Variants in PGAM5 observed in about 807,000 individuals in gnomAD.
PGAM5 encodes the protein serine/threonine-protein phosphatase PGAM5, mitochondrial.
In PGAM5, 25 loss-of-function variants were observed where a neutral mutation model predicts 30.6. The ratio of observed to expected loss-of-function variants is 0.82; its 90% CI spans 0.60 to 1.14. The LOEUF is 1.14. Among genes scored for constraint, PGAM5 ranks in the 50% most tolerant of loss-of-function variants. The pLI is 0.00. For missense variants in PGAM5, 384 were observed against 408.5 expected, an observed-to-expected ratio of 0.94 and a Z score of 0.52; for synonymous variants, 201 against 179.1, an observed-to-expected ratio of 1.12 and a Z score of -0.98.
At chr12:132,715,095 C>CCTT in intron 2 of PGAM5, 59 bp downstream of exon 2, 1 of 1,489,098 alleles carries the variant, frequency 6.7e-7, no homozygotes, top group South Asian at 1.3e-5. Context: ...AGGTGCATAT[C>CCTT]TGCTGGCGCC....
chr12:132,716,443 C>A lies in PGAM5; in HGVS notation c.371-996C>A, dbSNP rs567808547. The stretch of plus-strand genomic sequence containing the variant: ...ATGGGGTTTCACCATATTGGCCAGG[C>A]TGGTCTCAAACTCCTGACCTCGTAA... On this transcript the variant is annotated intron_variant, in intron 2 of 5. Coordinates refer to ENST00000498926, the MANE Select transcript of PGAM5 (RefSeq NM_001170543.2). Among the ~76,000 whole-genome samples, 11 of 151,180 alleles carry A rather than the reference C, an allele frequency of 7.3e-5. No individual in the cohort carries two copies. In the East Asian group the frequency reaches 7.8e-4, roughly 11 times the overall value.
At chr12:132,716,419 T>C (rs2043578762) in intron 2 of PGAM5, among the ~76,000 whole-genome samples, 2 of 150,434 alleles carry the variant, frequency 1.3e-5, no homozygotes, top group Admixed American at 6.7e-5. Flanking sequence ...TTAGTAGAGA[T>C]GGGGTTTCAC....
rs1357547655 is a variant in PGAM5, at chr12:132,721,843, T to G, written c.*1015T>G. 5 of 152,192 alleles carry G rather than the reference T, an allele frequency of 3.3e-5. No homozygotes were observed. Among genetic ancestry groups the G allele is most frequent in the African/African-American group, 9.7e-5 (4 of 41,438 alleles). The allele number at this position is 152,192 out of a possible 1,614,324, so 9.4% of individuals were successfully genotyped here. A position where few individuals can be genotyped will look rare whatever the true frequency, so the allele number is the denominator to read the frequency against. On this transcript the variant is annotated 3_prime_UTR_variant, in exon 6 of 6. Coordinates refer to ENST00000498926, the MANE Select transcript of PGAM5 (RefSeq NM_001170543.2). ...GTCTCGAACTCCCAACCTCAGGTGA[T>G]TCACCCACCTTGGCCTCCCAAAGTG...
intron 2 of PGAM5, among the ~76,000 whole-genome samples, chr12:132,716,838 G>A (rs1200277014): frequency 1.3e-5 from 2 of 152,242 alleles, no homozygotes; most frequent in African/African-American, 2.4e-5. Flanking sequence ...AGTCCCCAGA[G>A]CTGTCCTGGC....
chr12:132,717,291 C>CGTGTTTGCGGGCGGAGGAGGGG lies in PGAM5; in HGVS notation c.371-118_371-97dup, dbSNP rs1337108403. 1.0e-3 allele frequency: 864 copies of CGTGTTTGCGGGCGGAGGAGGGG among 830,084 alleles called. 4 individuals carry two copies. Among genetic ancestry groups the CGTGTTTGCGGGCGGAGGAGGGG allele is most frequent in the African/African-American group, 4.5e-3 (167 of 37,396 alleles). 51.4% of individuals were successfully genotyped at this position (830,084 alleles called of 1,614,324 possible). A position where few individuals can be genotyped will look rare whatever the true frequency, so the allele number is the denominator to read the frequency against. On this transcript the variant is annotated intron_variant, in intron 2 of 5. Coordinates refer to ENST00000498926, the MANE Select transcript of PGAM5 (RefSeq NM_001170543.2). The stretch of plus-strand genomic sequence containing the variant: ...CTGAGCTTGCTGCCTGATCAGGGGT[C>CGTGTTTGCGGGCGGAGGAGGGG]GTGTTTGCGGGCGGAGGAGGGGGTG...
intron 5 of PGAM5, chr12:132,719,222 G>A (rs1245678125): frequency 1.7e-6 from 2 of 1,145,368 alleles, no homozygotes; most frequent in Admixed American, 9.3e-5. Context: ...CGCAGCTGAG[G>A]GGGCCCTCTT....
At chr12:132,714,646 C>G (rs2043554241) in intron 1 of PGAM5, 1 of 556,440 alleles carries the variant, frequency 1.8e-6, no homozygotes, top group South Asian at 2.2e-5. Context: ...GTTTTGCTCT[C>G]CAGCGCATCA....
intron 5 of PGAM5, chr12:132,719,167 A>G (rs2043618839): frequency 8.1e-7 from 1 of 1,229,784 alleles, no homozygotes; most frequent in Non-Finnish European, 1.0e-6. Context: ...TTTGAAACAA[A>G]TTTGCCTCTT....
intron 2 of PGAM5, 33 bp from the exon 3 acceptor site, chr12:132,717,406 A>AGGAGGG (rs2043591034): frequency 6.4e-7 from 1 of 1,551,528 alleles, no homozygotes; most frequent in African/African-American, 1.5e-5. Flanking sequence ...GAGGGGGTGC[A>AGGAGGG]GGTGCGGCAC....
At chr12:132,718,401 G>A (rs1448120839) in intron 5 of PGAM5, among the ~76,000 whole-genome samples, 10 of 66,876 alleles carry the variant, frequency 1.5e-4, no homozygotes, top group Middle Eastern at 6.7e-3. Context: ...GGTCCTGAGT[G>A]GGGTGCGTGC....
chr12:132,717,818 G>A lies in PGAM5; in HGVS notation c.585+20G>A, dbSNP rs944268929. ...GCTGTGGTAAAAACCTCCCCGGGGG[G>A]CAGCTGTGTCACCCTCGCCTTCCCT... On this transcript the variant is annotated intron_variant, in intron 4 of 5. Transcript: ENST00000498926. The A allele has an allele frequency of 1.9e-6, 3 of 1,577,948 alleles. No individual in the cohort carries two copies. The highest frequency in any genetic ancestry group is 2.6e-6 in the Non-Finnish European group (3 of 1,162,212).
At chr12:132,714,513 C>T (rs2043553210) in intron 1 of PGAM5, among the ~76,000 whole-genome samples, 1 of 152,222 alleles carries the variant, frequency 6.6e-6, no homozygotes, top group Admixed American at 6.5e-5. Context: ...GCCCCGATAG[C>T]CGCTGTCCTC....
At chr12:132,718,853 C>T (rs920536603) in intron 5 of PGAM5, 3 of 1,612,988 alleles carry the variant, frequency 1.9e-6, no homozygotes, top group South Asian at 1.1e-5. Context: ...ACCCGTGTGC[C>T]AGCGTGACGG....
chr12:132,718,775 T>C, intron 5 of PGAM5: 1 of 1,613,558 alleles, frequency 6.2e-7, no homozygotes, highest in South Asian at 1.1e-5. Context: ...CCCGCCGCTG[T>C]TGTCCGCTGG....
At chr12:132,714,164 T>C (rs1422692566) in intron 1 of PGAM5, among the ~76,000 whole-genome samples, 1 of 152,104 alleles carries the variant, frequency 6.6e-6, no homozygotes, top group Non-Finnish European at 1.5e-5. Flanking sequence ...ATCACAGGCG[T>C]GTGCCACCAA....
At chr12:132,715,136 C>A in intron 2 of PGAM5, 100 bp downstream of exon 2, 1 of 1,275,012 alleles carries the variant, frequency 7.8e-7, no homozygotes, top group Non-Finnish European at 1.1e-6. Context: ...AGGTCCTCCG[C>A]CGACCCCCTT....
intron 2 of PGAM5, among the ~76,000 whole-genome samples, chr12:132,716,405 AT>A (rs1311113385): frequency 7.8e-6 from 1 of 128,570 alleles, no homozygotes; most frequent in African/African-American, 3.0e-5. Context: ...TTTTTTTTGT[AT>A]TTTTAGTAGA....
chr12:132,721,671 C>T lies in PGAM5; in HGVS notation c.*843C>T, dbSNP rs2043645821. 1 of 152,278 alleles carries T rather than the reference C, an allele frequency of 6.6e-6. No individual in the cohort carries two copies. The highest frequency in any genetic ancestry group is 1.9e-4 in the East Asian group (1 of 5,198). The allele number at this position is 152,278 out of a possible 1,614,324, so 9.4% of individuals were successfully genotyped here. A position where few individuals can be genotyped will look rare whatever the true frequency, so the allele number is the denominator to read the frequency against. On this transcript the variant is annotated 3_prime_UTR_variant, in exon 6 of 6. Coordinates refer to ENST00000498926, the MANE Select transcript of PGAM5 (RefSeq NM_001170543.2). Reference sequence around the variant, plus strand: ...TGGTGCGATCTCGGCTCACCGCAACCTCTGCCTCCTGGGTTCAAGTGATTC... The same window carrying T: ...TGGTGCGATCTCGGCTCACCGCAACTTCTGCCTCCTGGGTTCAAGTGATTC...
At position 132,720,671 on chromosome 12, in the gene PGAM5, T is replaced by TCC. The variant is rs2043635426; in HGVS notation, c.720-4_720-3dup. On this transcript the variant is annotated splice_polypyrimidine_tract_variant and splice_region_variant and intron_variant, in intron 5 of 5. Coordinates refer to ENST00000498926, the MANE Select transcript of PGAM5 (RefSeq NM_001170543.2). The stretch of plus-strand genomic sequence containing the variant: ...CGTGCTCTTTCTCTCTCTCTCTCTC[T>TCC]CCCCAGAGCACTGCAGTTTCCTCCT... The TCC allele has an allele frequency of 6.5e-7, 1 of 1,532,254 alleles. No individual in the cohort carries two copies. 94.9% of individuals were successfully genotyped at this position (1,532,254 alleles called of 1,614,324 possible).
Sources: gnomAD v4.1 joint callset for allele counts (sites outside exome capture counted in the v4.1 genomes callset) on GRCh38, gnomAD v4.1.1 for gene constraint, MANE v1.5 for transcripts, NCBI Gene and HGNC (gene_info 2026-07-23, HGNC 2026-07-21) for gene names.